GABRA3: variants seen among roughly 807,000 people sequenced by gnomAD.
GABRA3 encodes gamma-aminobutyric acid type A receptor subunit alpha3.
GABRA3 carries 10 observed loss-of-function variants against 30.1 expected under a neutral mutation model. The observed-to-expected ratio is 0.33, with a 90% confidence interval of 0.20 to 0.56. GABRA3 has a LOEUF of 0.56. Among genes scored for constraint, GABRA3 ranks in the 20% least tolerant of loss-of-function variants. The pLI, the probability that GABRA3 is intolerant of heterozygous loss-of-function variation, is 0.89. For missense variants in GABRA3, 233 were observed against 392.0 expected, an observed-to-expected ratio of 0.59 and a Z score of 3.42; for synonymous variants, 151 against 146.8, an observed-to-expected ratio of 1.03 and a Z score of -0.21.
At chrX:152,346,800 A>T (rs745484756) in intron 2 of GABRA3, among the ~76,000 whole-genome samples, 5 of 111,535 alleles carry the variant, frequency 4.5e-5, no homozygotes, top group African/African-American at 1.6e-4. Flanking sequence ...ATATCATCTC[A>T]CCCCAGATGA....
chrX:152,409,210 T>G (rs1930008544), intron 1 of GABRA3, among the ~76,000 whole-genome samples: 1 of 110,622 alleles, frequency 9.0e-6, no homozygotes, highest in Admixed American at 9.6e-5. Context: ...TTTTAAAAAA[T>G]TATCCAGGCA....
At chrX:152,293,893 T>C in intron 3 of GABRA3, among the ~76,000 whole-genome samples, 1 of 111,697 alleles carries the variant, frequency 9.0e-6, no homozygotes, top group African/African-American at 3.3e-5. Context: ...TGAAGCTTAG[T>C]TTGGCTGGAT....
intron 9 of GABRA3, among the ~76,000 whole-genome samples, chrX:152,172,251 C>T (rs1424565807): frequency 9.0e-6 from 1 of 111,503 alleles, no homozygotes; most frequent in East Asian, 2.8e-4. Context: ...AGCCATGAGA[C>T]CCCACCTCAC....
intron 3 of GABRA3, among the ~76,000 whole-genome samples, chrX:152,294,192 G>C (rs1939480227): frequency 9.0e-6 from 1 of 111,544 alleles, no homozygotes; most frequent in Admixed American, 9.5e-5. Flanking sequence ...GGTTGGGGAA[G>C]TTCTCCTGGA....
intron 6 of GABRA3, among the ~76,000 whole-genome samples, chrX:152,215,567 C>A (rs1429519921): frequency 9.0e-6 from 1 of 110,990 alleles, no homozygotes; most frequent in Non-Finnish European, 1.9e-5. Context: ...TGAGACTAAA[C>A]CCTTATCTCT....
chrX:152,314,498 C>T (rs1325992359), intron 3 of GABRA3, among the ~76,000 whole-genome samples: 1 of 112,319 alleles, frequency 8.9e-6, no homozygotes, highest in African/African-American at 3.2e-5. Context: ...CAAGTCTTTA[C>T]CAAGCCGTAT....
At chrX:152,202,528 G>A (rs985650864) in intron 7 of GABRA3, among the ~76,000 whole-genome samples, 8 of 111,160 alleles carry the variant, frequency 7.2e-5, no homozygotes, top group Non-Finnish European at 1.3e-4. Context: ...TACACAGTTT[G>A]AAAACACGTA....
chrX:152,214,025 A>G (rs1436689514), intron 6 of GABRA3, among the ~76,000 whole-genome samples: 1 of 111,171 alleles, frequency 9.0e-6, no homozygotes, highest in African/African-American at 3.3e-5. Context: ...CCCATTGCCC[A>G]AATACGAAAC....
rs143215817 is a variant in GABRA3, at chrX:152,204,340, C to A, written c.778+3661G>T. Among the ~76,000 whole-genome samples the A allele has an allele frequency of 9.5e-3, 1,061 of 111,275 alleles. 8 individuals carry two copies. The highest frequency in any genetic ancestry group is 0.037 in the South Asian group (95 of 2,590). ...AAATTTTCTTTTCTTTCCTCCTTCC[C>A]TCCCTCCCTGCCTTTCTTCCTGCCT... On this transcript the variant is annotated intron_variant, in intron 7 of 9. Coordinates refer to ENST00000370314, the MANE Select transcript of GABRA3 (RefSeq NM_000808.4).
chrX:152,329,671 T>C (rs1436599523), intron 3 of GABRA3, among the ~76,000 whole-genome samples: 1 of 111,691 alleles, frequency 9.0e-6, no homozygotes, highest in Non-Finnish European at 1.9e-5. Context: ...TGGATCCCTT[T>C]CTTACACCTT....
intron 6 of GABRA3, among the ~76,000 whole-genome samples, chrX:152,217,845 G>A (rs1440307515): frequency 9.1e-6 from 1 of 109,823 alleles, no homozygotes; most frequent in Non-Finnish European, 1.9e-5. Context: ...TTAGTAATGT[G>A]ATTCTATTCT....
chrX:152,238,995 C>G (rs1938294554), intron 5 of GABRA3, among the ~76,000 whole-genome samples: 1 of 110,338 alleles, frequency 9.1e-6, no homozygotes, highest in Non-Finnish European at 1.9e-5. Context: ...CTATTTCCTT[C>G]AGTTCTGCTC....
In GABRA3 at chrX:152,364,295, T is replaced by C. The variant is rs942473768; in HGVS notation, c.140+136A>G. On this transcript the variant is annotated intron_variant, in intron 2 of 9. Transcript: ENST00000370314. Reference sequence around the variant, plus strand: ...TTTGAGAGTCTGAGCCTATGACTTTTTTCTAAATATAATGTAATGTATAAG... The same window carrying C: ...TTTGAGAGTCTGAGCCTATGACTTTCTTCTAAATATAATGTAATGTATAAG... 8.9e-6 allele frequency: 5 copies of C among 562,929 alleles called. No homozygotes were observed. The African/African-American group carries it at 9.5e-5, about 11-fold the overall frequency. 46.4% of individuals were successfully genotyped at this position (562,929 alleles called of 1,213,427 possible). A position where few individuals can be genotyped will look rare whatever the true frequency, so the allele number is the denominator to read the frequency against.
chrX:152,213,984 G>A (rs1937670348), intron 6 of GABRA3, among the ~76,000 whole-genome samples: 1 of 110,580 alleles, frequency 9.0e-6, no homozygotes, highest in Non-Finnish European at 1.9e-5. Flanking sequence ...CTGATATATT[G>A]TGTAGTGGAC....
intron 7 of GABRA3, among the ~76,000 whole-genome samples, chrX:152,202,028 G>A (rs911497998): frequency 2.7e-5 from 3 of 111,819 alleles, no homozygotes; most frequent in African/African-American, 6.5e-5. Context: ...GTAATAATTC[G>A]CCAAATTAGG....
At chrX:152,197,874 A>C in intron 7 of GABRA3, 89 bp from the exon 8 acceptor site, 1 of 705,290 alleles carries the variant, frequency 1.4e-6, no homozygotes, top group Non-Finnish European at 2.1e-6. Flanking sequence ...AAGCTCTTTA[A>C]TCTTATATTC....
chrX:152,293,356 A>G (rs1939459110), intron 3 of GABRA3, among the ~76,000 whole-genome samples: 1 of 111,180 alleles, frequency 9.0e-6, no homozygotes, highest in Non-Finnish European at 1.9e-5. Flanking sequence ...CTGTTTTATC[A>G]TAGACTAGGA....
chrX:152,346,659 TC>T (rs774832741), intron 2 of GABRA3, among the ~76,000 whole-genome samples: 2 of 111,731 alleles, frequency 1.8e-5, no homozygotes, highest in Non-Finnish European at 3.8e-5. Flanking sequence ...AGTATAATAA[TC>T]CAATTAAAAA....
intron 6 of GABRA3, among the ~76,000 whole-genome samples, chrX:152,221,452 A>T (rs1170854266): frequency 1.8e-5 from 2 of 111,949 alleles, no homozygotes; most frequent in Admixed American, 1.9e-4. Context: ...GATATCTGAT[A>T]TCAGATTAGA....
Sources: gnomAD v4.1 joint callset for allele counts (sites outside exome capture counted in the v4.1 genomes callset) on GRCh38, gnomAD v4.1.1 for gene constraint, MANE v1.5 for transcripts, NCBI Gene and HGNC (gene_info 2026-07-23, HGNC 2026-07-21) for gene names.